Variants in RAPGEF6 observed in about 807,000 individuals in gnomAD.
RAPGEF6 encodes the protein PDZ domain containing guanine nucleotide exchange factor (GEF) 2.
A neutral mutation model predicts 171.4 loss-of-function variants in RAPGEF6; 56 were observed. The ratio of observed to expected loss-of-function variants is 0.33; its 90% CI spans 0.26 to 0.41. The LOEUF (loss-of-function observed/expected upper bound fraction) is 0.41. Among genes scored for constraint, RAPGEF6 ranks in the 10% least tolerant of loss-of-function variants. The probability of loss-of-function intolerance (pLI) is 1.00; values close to 1 mark genes in which losing one functional copy is unlikely to be tolerated. For synonymous variants in RAPGEF6, 692 were observed against 650.1 expected (o/e 1.06, Z -0.98); for missense variants, 1,674 against 1,921.4 (o/e 0.87, Z 2.41).
At chr5:131,592,857 C>G (rs905837361) in intron 3 of RAPGEF6, among the ~76,000 whole-genome samples, 1 of 152,136 alleles carries the variant, frequency 6.6e-6, no homozygotes, top group East Asian at 1.9e-4. Flanking sequence ...AGAATTGTAT[C>G]ACACTTGTAG....
intron 7 of RAPGEF6, among the ~76,000 whole-genome samples, chr5:131,517,117 A>G (rs189653556): frequency 6.6e-6 from 1 of 152,326 alleles, no homozygotes; most frequent in East Asian, 1.9e-4. Context: ...GGGGTCTATT[A>G]GGGCAGGGAG....
chr5:131,436,900 G>A (rs1286392701), intron 24 of RAPGEF6, among the ~76,000 whole-genome samples: 1 of 152,178 alleles, frequency 6.6e-6, no homozygotes, highest in Non-Finnish European at 1.5e-5. Context: ...GGTAGATAAT[G>A]TTTAAGGTCT....
chr5:131,613,922 C>T (rs2150026551), intron 1 of RAPGEF6, among the ~76,000 whole-genome samples: 1 of 152,254 alleles, frequency 6.6e-6, no homozygotes, highest in South Asian at 2.1e-4. Context: ...GCAAGAACTG[C>T]ATAGAATCCG....
At chr5:131,446,749 C>T (rs1384304674) in intron 21 of RAPGEF6, 46 bp from the exon 22 acceptor site, 4 of 1,489,738 alleles carry the variant, frequency 2.7e-6, no homozygotes, top group African/African-American at 2.8e-5. Context: ...GAGATGAGAA[C>T]TAAGCATAGC....
chr5:131,588,903 C>A (rs1192905425), intron 4 of RAPGEF6, among the ~76,000 whole-genome samples: 6 of 151,950 alleles, frequency 3.9e-5, no homozygotes, highest in African/African-American at 1.5e-4. Context: ...TACCCTGTCT[C>A]CACAAAAAGT....
chr5:131,532,090 CAATT>C (rs1003538198), intron 6 of RAPGEF6: 7 of 431,940 alleles, frequency 1.6e-5, no homozygotes, highest in African/African-American at 1.0e-4. Flanking sequence ...AAGAAAATAA[CAATT>C]ACTTACTTTG....
intron 6 of RAPGEF6, among the ~76,000 whole-genome samples, chr5:131,532,728 G>T (rs1759479187): frequency 6.6e-6 from 1 of 151,680 alleles, no homozygotes; most frequent in Non-Finnish European, 1.5e-5. Flanking sequence ...GCCGTAACAG[G>T]TTTGTCCTGT....
intron 3 of RAPGEF6, among the ~76,000 whole-genome samples, chr5:131,597,570 G>T (rs1317024925): frequency 6.6e-6 from 1 of 152,136 alleles, no homozygotes; most frequent in African/African-American, 2.4e-5. Flanking sequence ...GGAACTGGAG[G>T]ATATTATGTT....
chr5:131,618,261 A>G (rs1580687210), intron 1 of RAPGEF6, among the ~76,000 whole-genome samples: 1 of 152,320 alleles, frequency 6.6e-6, no homozygotes. Context: ...AGTGATTTAA[A>G]AAAGAGAGGA....
At chr5:131,547,106 G>C (rs934432360) in intron 6 of RAPGEF6, among the ~76,000 whole-genome samples, 4 of 152,152 alleles carry the variant, frequency 2.6e-5, no homozygotes, top group African/African-American at 9.7e-5. Flanking sequence ...TTGAATCAAT[G>C]CAATTAGGCA....
chr5:131,613,836 G>A (rs941528456), intron 1 of RAPGEF6, among the ~76,000 whole-genome samples: 1 of 152,050 alleles, frequency 6.6e-6, no homozygotes, highest in African/African-American at 2.4e-5. Context: ...AACAAAGGCA[G>A]GGGCAAATTA....
At chr5:131,465,433 G>C (rs973176321) in intron 17 of RAPGEF6, among the ~76,000 whole-genome samples, 2 of 151,984 alleles carry the variant, frequency 1.3e-5, no homozygotes, top group African/African-American at 4.8e-5. Context: ...ATGAACAAAT[G>C]CTAAAAATTT....
chr5:131,462,140 A>C lies in RAPGEF6; in HGVS notation c.2481-52T>G, dbSNP rs1753977127. The C allele has an allele frequency of 4.7e-6, 6 of 1,274,860 alleles. No individual in the cohort carries two copies. In the East Asian group the frequency reaches 1.7e-4, roughly 35 times the overall value. 79.0% of individuals were successfully genotyped at this position (1,274,860 alleles called of 1,614,324 possible). ...ATGTATTCATAAATATGATTAAATAAGAGCACTTTTCCTTTTTGTCGTTGT... is the reference window on the plus strand; with the variant it reads ...ATGTATTCATAAATATGATTAAATACGAGCACTTTTCCTTTTTGTCGTTGT... On this transcript the variant is annotated intron_variant, in intron 18 of 27. Transcript: ENST00000509018.
Position 131,495,677 on chromosome 5 carries a change from G to T in RAPGEF6, c.1420-17C>A. On this transcript the variant is annotated splice_polypyrimidine_tract_variant and intron_variant, in intron 12 of 27. Transcript: ENST00000509018. ...CCGTGTCACCTGTGGAAACATAAAA[G>T]AGGCAGCATATGGTTATAAGAGGCA... is the stretch of plus-strand genomic sequence containing the variant. The T allele has an allele frequency of 6.2e-7, 1 of 1,604,834 alleles. No individual in the cohort carries two copies. Among genetic ancestry groups the T allele is most frequent in the Non-Finnish European group, 8.5e-7 (1 of 1,174,844 alleles).
At chr5:131,619,900 A>G (rs1225090253) in intron 1 of RAPGEF6, among the ~76,000 whole-genome samples, 1 of 152,204 alleles carries the variant, frequency 6.6e-6, no homozygotes, top group Non-Finnish European at 1.5e-5. Context: ...ACATTAGACT[A>G]ATTAATCTCT....
At chr5:131,622,519 T>C (rs946972115) in intron 1 of RAPGEF6, among the ~76,000 whole-genome samples, 7 of 152,244 alleles carry the variant, frequency 4.6e-5, no homozygotes, top group Admixed American at 1.3e-4. Flanking sequence ...GTGTCTCACC[T>C]TTGGCATGTA....
chr5:131,577,889 G>A (rs762946170), intron 4 of RAPGEF6, among the ~76,000 whole-genome samples: 6 of 152,112 alleles, frequency 3.9e-5, no homozygotes, highest in East Asian at 1.9e-4. Context: ...AGGTCTATTC[G>A]TCCTTACCCT....
At chr5:131,597,220 G>A (rs1366556763) in intron 3 of RAPGEF6, among the ~76,000 whole-genome samples, 2 of 151,928 alleles carry the variant, frequency 1.3e-5, no homozygotes, top group Non-Finnish European at 2.9e-5. Context: ...ACGAAAACAA[G>A]TGTTGGCGAG....
At chr5:131,590,629 ATAAAGAT>A (rs1346696891) in intron 4 of RAPGEF6, among the ~76,000 whole-genome samples, 1 of 152,220 alleles carries the variant, frequency 6.6e-6, no homozygotes, top group East Asian at 1.9e-4. Flanking sequence ...ATTCTTTAGA[ATAAAGAT>A]TAAACTTCCA....
Sources: allele counts gnomAD v4.1 joint callset (sites outside exome capture counted in the v4.1 genomes callset), GRCh38; gene constraint gnomAD v4.1.1; transcripts MANE v1.5; gene names NCBI Gene and HGNC (gene_info 2026-07-23, HGNC 2026-07-21).